Variants in TMTC2 observed in about 807,000 individuals in gnomAD.
TMTC2 encodes the protein transmembrane O-mannosyltransferase targeting cadherins 2.
In TMTC2, 43 loss-of-function variants were observed where a neutral mutation model predicts 82.4. The ratio of observed to expected loss-of-function variants is 0.52; its 90% CI spans 0.41 to 0.67. The LOEUF is 0.67. TMTC2 is among the 30% of genes least tolerant of loss of function. The pLI, the probability that TMTC2 is intolerant of heterozygous loss-of-function variation, is 0.00. For missense variants in TMTC2, 919 were observed against 1,012.4 expected, an observed-to-expected ratio of 0.91 and a Z score of 1.25; for synonymous variants, 408 against 381.9, an observed-to-expected ratio of 1.07 and a Z score of -0.80.
intron 1 of TMTC2, among the ~76,000 whole-genome samples, chr12:82,764,837 ATTTT>A (rs10603409): frequency 3.4e-5 from 5 of 146,178 alleles, no homozygotes; most frequent in Admixed American, 6.8e-5. Flanking sequence ...GTGAATCTGC[ATTTT>A]TTTTTTTTTT....
chr12:82,844,479 A>G (rs1266703470), intron 1 of TMTC2, among the ~76,000 whole-genome samples: 3 of 152,146 alleles, frequency 2.0e-5, no homozygotes, highest in Non-Finnish European at 4.4e-5. Flanking sequence ...TTGGAATCTG[A>G]TGGTTATAGT....
intron 1 of TMTC2, among the ~76,000 whole-genome samples, chr12:82,815,379 C>T (rs530994515): frequency 1.3e-5 from 2 of 150,760 alleles, no homozygotes; most frequent in East Asian, 3.9e-4. Flanking sequence ...GGTGCTATCT[C>T]GGCTCACTGC....
intron 1 of TMTC2, among the ~76,000 whole-genome samples, chr12:82,705,403 A>G (rs1873305782): frequency 1.3e-5 from 2 of 152,380 alleles, no homozygotes; most frequent in African/African-American, 4.8e-5. Context: ...TATATTTGGT[A>G]AGAACATTGT....
At chr12:83,113,569 G>A (rs927062145) in intron 11 of TMTC2, among the ~76,000 whole-genome samples, 2 of 152,314 alleles carry the variant, frequency 1.3e-5, no homozygotes, top group Non-Finnish European at 2.9e-5. Flanking sequence ...CACACAAGCC[G>A]TGTTTATTTA....
At chr12:82,831,263 T>C (rs1197753035) in intron 1 of TMTC2, among the ~76,000 whole-genome samples, 2 of 152,232 alleles carry the variant, frequency 1.3e-5, no homozygotes, top group African/African-American at 4.8e-5. Flanking sequence ...CATGATACCA[T>C]GAGCTTCTCC....
At position 83,061,038 on chromosome 12, in the gene TMTC2, T is replaced by C. The variant is rs77678019; in HGVS notation, c.2268-730T>C. 7.8e-3 allele frequency among the ~76,000 whole-genome samples: 1,179 copies of C among 151,920 alleles called. 8 individuals carry two copies. The highest frequency in any genetic ancestry group is 0.013 in the Non-Finnish European group (868 of 67,816). Reference sequence around the variant, plus strand: ...TCGGCAGGAAACAAGGTAGCCTCAGTGGCCCAGAAGTGAGATATACAAAAG... The same window carrying C: ...TCGGCAGGAAACAAGGTAGCCTCAGCGGCCCAGAAGTGAGATATACAAAAG... On this transcript the variant is annotated intron_variant, in intron 10 of 11. Transcript: ENST00000321196.
At chr12:82,853,857 G>A (rs2137110663) in intron 1 of TMTC2, among the ~76,000 whole-genome samples, 1 of 151,976 alleles carries the variant, frequency 6.6e-6, no homozygotes, top group South Asian at 2.1e-4. Context: ...CTAGGTTAAT[G>A]TCTAGTTGAA....
At chr12:82,749,381 C>G (rs1433507771) in intron 1 of TMTC2, among the ~76,000 whole-genome samples, 2 of 152,198 alleles carry the variant, frequency 1.3e-5, no homozygotes, top group African/African-American at 4.8e-5. Flanking sequence ...CCCTCGTAGA[C>G]TTACATTCTC....
intron 1 of TMTC2, among the ~76,000 whole-genome samples, chr12:82,783,541 T>C (rs977383900): frequency 6.6e-6 from 1 of 152,126 alleles, no homozygotes; most frequent in Non-Finnish European, 1.5e-5. Context: ...AGTAGGTTAC[T>C]GATCTTTCTT....
intron 1 of TMTC2, among the ~76,000 whole-genome samples, chr12:82,840,992 C>T (rs1287397404): frequency 6.6e-6 from 1 of 152,070 alleles, no homozygotes; most frequent in Non-Finnish European, 1.5e-5. Flanking sequence ...GTTGGCCAGG[C>T]TGGTCTCAAA....
intron 1 of TMTC2, among the ~76,000 whole-genome samples, chr12:82,825,459 C>T (rs972369838): frequency 2.6e-5 from 4 of 152,052 alleles, no homozygotes; most frequent in Admixed American, 6.6e-5. Flanking sequence ...TGAGGCTGTT[C>T]GTAAAATTGC....
At chr12:82,953,638 A>G (rs1877464227) in intron 4 of TMTC2, among the ~76,000 whole-genome samples, 2 of 152,204 alleles carry the variant, frequency 1.3e-5, no homozygotes, top group East Asian at 3.8e-4. Flanking sequence ...TGTCTGTGTA[A>G]TCACATTTAA....
chr12:82,841,322 C>T (rs538079817), intron 1 of TMTC2, among the ~76,000 whole-genome samples: 1 of 152,258 alleles, frequency 6.6e-6, no homozygotes, highest in African/African-American at 2.4e-5. Flanking sequence ...GAAAGTACTA[C>T]AGTATATATT....
chr12:83,012,448 G>A (rs2137388707), intron 8 of TMTC2, among the ~76,000 whole-genome samples: 1 of 152,228 alleles, frequency 6.6e-6, no homozygotes, highest in South Asian at 2.1e-4. Flanking sequence ...GTTGGCAGAA[G>A]TCCTCAGCAT....
intron 4 of TMTC2, among the ~76,000 whole-genome samples, chr12:82,936,392 G>C (rs1436994810): frequency 1.3e-5 from 2 of 151,310 alleles, no homozygotes; most frequent in Admixed American, 6.6e-5. Context: ...CACACACAAG[G>C]ACAACAACAA....
intron 1 of TMTC2, among the ~76,000 whole-genome samples, chr12:82,829,518 T>A (rs553627275): frequency 6.6e-6 from 1 of 152,138 alleles, no homozygotes; most frequent in South Asian, 2.1e-4. Flanking sequence ...ATCTTAAAAA[T>A]ATTTACAGTG....
At chr12:82,797,111 G>A (rs953931102) in intron 1 of TMTC2, among the ~76,000 whole-genome samples, 3 of 152,000 alleles carry the variant, frequency 2.0e-5, no homozygotes, top group African/African-American at 4.8e-5. Context: ...TACATTGTTC[G>A]TAGTATCATT....
intron 11 of TMTC2, among the ~76,000 whole-genome samples, chr12:83,112,499 A>G (rs1228969148): frequency 6.6e-6 from 1 of 152,262 alleles, no homozygotes; most frequent in African/African-American, 2.4e-5. Flanking sequence ...TATAGGCATT[A>G]GAGCATAGCT....
Position 82,896,256 on chromosome 12 carries a change from A to T in TMTC2, c.1093A>T (p.Thr365Ser). 2 of 1,614,104 alleles carry T rather than the reference A, an allele frequency of 1.2e-6. No individual in the cohort carries two copies. The highest frequency in any genetic ancestry group is 1.7e-6 in the Non-Finnish European group (2 of 1,180,028). The change falls in exon 3 of 12, where the codon ACT (threonine) becomes TCT (serine). Residue 365 changes from threonine to serine, a missense_variant. By Grantham distance (58) the Thr-to-Ser change is moderately conservative. Coordinates refer to ENST00000321196, the MANE Select transcript of TMTC2 (RefSeq NM_152588.3). ...AGATGTGGAGTACCAGAACTCAGAG[A>T]CTAAGTCCAGCTTTGCATCCAAAGT... ...LSDVEYQNSE[T>S]KSSFASKVEN...
Sources: allele counts gnomAD v4.1 joint callset (sites outside exome capture counted in the v4.1 genomes callset), GRCh38; gene constraint gnomAD v4.1.1; transcripts MANE v1.5; gene names NCBI Gene and HGNC (gene_info 2026-07-23, HGNC 2026-07-21).